The following DYNLL2 variants were observed in gnomAD, a reference collection of about 807,000 sequenced individuals.
DYNLL2 encodes dynein light chain LC8-type 2, also known as dynein light chain 2, cytoplasmic.
Under a neutral mutation model 9.7 loss-of-function variants are expected in DYNLL2, and 1 was observed. The observed-to-expected ratio is 0.10, with a 90% CI of 0.04 to 0.49. The LOEUF is 0.49. Among genes scored for constraint, DYNLL2 ranks in the 20% least tolerant of loss-of-function variants. The pLI, the probability that DYNLL2 is intolerant of heterozygous loss-of-function variation, is 0.95. For synonymous variants in DYNLL2, 35 were observed against 40.5 expected, an observed-to-expected ratio of 0.86 and a Z score of 0.52; for missense variants, 37 against 115.2, an observed-to-expected ratio of 0.32 and a Z score of 3.11.
rs373269015 is a variant in DYNLL2 at position 58,087,067 on chromosome 17, C to T, written c.-9-15C>T. On this transcript the variant is annotated splice_polypyrimidine_tract_variant and intron_variant, in intron 1 of 2. Coordinates refer to ENST00000579991, the MANE Select transcript of DYNLL2 (RefSeq NM_080677.3). ...GCAAGGAGTTGTCAGCCTTACCTCTCTGCTCCTTCTGTAGTGTCACACCAT... is the reference window on the plus strand; with the variant it reads ...GCAAGGAGTTGTCAGCCTTACCTCTTTGCTCCTTCTGTAGTGTCACACCAT... 3.1e-6 allele frequency: 5 copies of T among 1,613,346 alleles called. No individual in the cohort carries two copies. The African/African-American group carries it at 5.3e-5, about 17-fold the overall frequency.
At chr17:58,087,249 G>A in intron 2 of DYNLL2, 27 bp downstream of exon 2, 1 of 1,611,456 alleles carries the variant, frequency 6.2e-7, no homozygotes, top group Non-Finnish European at 8.5e-7. Context: ...GGGACTGATG[G>A]CCAGGGGTGG....
At chr17:58,085,178 T>C (rs958958829) in intron 1 of DYNLL2, among the ~76,000 whole-genome samples, 2 of 152,290 alleles carry the variant, frequency 1.3e-5, no homozygotes, top group South Asian at 2.1e-4. Flanking sequence ...ACCTCTTTGC[T>C]CTGCCAGTTT....
At position 58,091,583 on chromosome 17, in the gene DYNLL2, T is replaced by C. The variant is rs1341536068; in HGVS notation, c.*2304T>C. The C allele has an allele frequency of 6.6e-6, 1 of 152,230 alleles. No homozygotes were observed. The highest frequency in any genetic ancestry group is 1.9e-4 in the East Asian group (1 of 5,202). The allele number at this position is 152,230 out of a possible 1,614,324, so 9.4% of individuals were successfully genotyped here. On this transcript the variant is annotated 3_prime_UTR_variant, in exon 3 of 3. Transcript: ENST00000579991. The stretch of plus-strand genomic sequence containing the variant: ...CTTCAACTTTTGCCCAAAGCTCTTA[T>C]CTTTCATACTCCTCCCTTCTCGGCT...
At chr17:58,089,093 TC>T in intron 2 of DYNLL2, 48 bp from the exon 3 acceptor site, 1 of 1,609,546 alleles carries the variant, frequency 6.2e-7, no homozygotes. Flanking sequence ...GATTTCTCCT[TC>T]TCCAGCTACC....
intron 1 of DYNLL2, among the ~76,000 whole-genome samples, chr17:58,085,355 A>G (rs987716150): frequency 1.3e-5 from 2 of 152,284 alleles, no homozygotes; most frequent in Non-Finnish European, 2.9e-5. Context: ...TCAGCCATCT[A>G]GCCCACAGGC....
chr17:58,089,411 C>A lies in DYNLL2; in HGVS notation c.*132C>A. 8.4e-7 allele frequency: 1 copy of A among 1,195,816 alleles called. No homozygotes were observed. Among genetic ancestry groups the A allele is most frequent in the Non-Finnish European group, 1.2e-6 (1 of 867,068 alleles). 74.1% of individuals were successfully genotyped at this position (1,195,816 alleles called of 1,614,324 possible). ...TGTGCTACTGCATGGACTGTATACT[C>A]GATTTCATGTGTATGTCGCAGTAAA... On this transcript the variant is annotated 3_prime_UTR_variant, in exon 3 of 3. Transcript: ENST00000579991.
chr17:58,083,798 G>A (rs2075745928), intron 1 of DYNLL2, 115 bp downstream of exon 1: 1 of 151,908 alleles, frequency 6.6e-6, no homozygotes, highest in Non-Finnish European at 1.5e-5. Context: ...CGGCCCCAAG[G>A]CCTGGAACAG....
chr17:58,091,227 C>T lies in DYNLL2; in HGVS notation c.*1948C>T, dbSNP rs749368438. ...ACATTAAAGGTTGATTGATGCACCT[C>T]TGCACTGTTTGGGTCTCTTTGGGGA... On this transcript the variant is annotated 3_prime_UTR_variant, in exon 3 of 3. Transcript: ENST00000579991. The T allele has an allele frequency of 2.6e-5, 4 of 152,330 alleles. No individual in the cohort carries two copies. The highest frequency in any genetic ancestry group is 4.4e-5 in the Non-Finnish European group (3 of 68,192). The allele number at this position is 152,330 out of a possible 1,614,324, so 9.4% of individuals were successfully genotyped here.
rs1273198413 is a variant in DYNLL2 at position 58,090,577 on chromosome 17, G to A, written c.*1298G>A. The A allele has an allele frequency of 6.6e-6, 1 of 152,498 alleles. No homozygotes were observed. Among genetic ancestry groups the A allele is most frequent in the Non-Finnish European group, 1.5e-5 (1 of 68,326 alleles). The allele number at this position is 152,498 out of a possible 1,614,324, so 9.4% of individuals were successfully genotyped here. On this transcript the variant is annotated 3_prime_UTR_variant, in exon 3 of 3. Coordinates refer to ENST00000579991, the MANE Select transcript of DYNLL2 (RefSeq NM_080677.3). ...CTGTGGATGGTTGCAGTCTCTGGTG[G>A]GAGGTGAGGATAGAAGTGATAAAGA...
intron 1 of DYNLL2, among the ~76,000 whole-genome samples, chr17:58,084,940 T>C (rs1261639118): frequency 2.6e-5 from 4 of 152,146 alleles, no homozygotes; most frequent in Non-Finnish European, 1.5e-5. Context: ...TTTCTCCCTG[T>C]GCTGCTGTTG....
rs1392250223 is a variant in DYNLL2, at chr17:58,095,471, T to C, written c.*6192T>C. ...GGGTTACCTTCCTTGAAGCAGTTAA[T>C]GTTATGAGATTTTGTGTCTCCTTTT... is the stretch of plus-strand genomic sequence containing the variant. On this transcript the variant is annotated 3_prime_UTR_variant, in exon 3 of 3. Coordinates refer to ENST00000579991, the MANE Select transcript of DYNLL2 (RefSeq NM_080677.3). 1 of 152,242 alleles carries C rather than the reference T, an allele frequency of 6.6e-6. No homozygotes were observed. Among genetic ancestry groups the C allele is most frequent in the African/African-American group, 2.4e-5 (1 of 41,466 alleles). 9.4% of individuals were successfully genotyped at this position (152,242 alleles called of 1,614,324 possible).
In DYNLL2 at chr17:58,087,159, C is replaced by T; in HGVS notation, c.69C>T (p.Asp23=). 2.5e-6 allele frequency: 4 copies of T among 1,614,258 alleles called. No individual in the cohort carries two copies. Among genetic ancestry groups the T allele is most frequent in the Non-Finnish European group, 3.4e-6 (4 of 1,180,048 alleles). ...AGGACATGCAACAGGATGCCGTTGA[C>T]TGCGCCACGCAGGCCATGGAGAAGT... The part of the protein sequence containing the change: ...MSEDMQQDAV[D]CATQAMEKYN... Residue 23 remains aspartate (D), a synonymous_variant, in exon 2 of 3, where the codon GAC becomes GAT. Transcript: ENST00000579991.
chr17:58,094,803 C>T lies in DYNLL2; in HGVS notation c.*5524C>T, dbSNP rs1248299754. 2 of 152,240 alleles carry T rather than the reference C, an allele frequency of 1.3e-5. No homozygotes were observed. The highest frequency in any genetic ancestry group is 4.8e-5 in the African/African-American group (2 of 41,442). 9.4% of individuals were successfully genotyped at this position (152,240 alleles called of 1,614,324 possible). On this transcript the variant is annotated 3_prime_UTR_variant, in exon 3 of 3. Coordinates refer to ENST00000579991, the MANE Select transcript of DYNLL2 (RefSeq NM_080677.3). ...CAGCCCTGGGAAACCACTGACCTAC[C>T]TTATATCTCTATGAATTTGCCTAAT...
chr17:58,085,968 G>A (rs950093071), intron 1 of DYNLL2, among the ~76,000 whole-genome samples: 2 of 152,230 alleles, frequency 1.3e-5, no homozygotes, highest in African/African-American at 4.8e-5. Flanking sequence ...TGAGAAATCA[G>A]TGTTGAAGCT....
intron 2 of DYNLL2, 91 bp from the exon 3 acceptor site, chr17:58,089,049 CGG>C (rs1567766713): frequency 2.0e-5 from 30 of 1,496,568 alleles, no homozygotes; most frequent in Non-Finnish European, 2.7e-5. Flanking sequence ...CCAAACGTGT[CGG>C]TGCTGGAGTT....
intron 1 of DYNLL2, among the ~76,000 whole-genome samples, chr17:58,085,965 T>A (rs1407923534): frequency 1.3e-5 from 2 of 152,174 alleles, no homozygotes; most frequent in African/African-American, 2.4e-5. Flanking sequence ...AGATGAGAAA[T>A]CAGTGTTGAA....
intron 1 of DYNLL2, among the ~76,000 whole-genome samples, chr17:58,086,637 A>T (rs1433823549): frequency 6.6e-6 from 1 of 152,218 alleles, no homozygotes; most frequent in Non-Finnish European, 1.5e-5. Context: ...TGGTCATTAA[A>T]TCAGGGACTT....
At position 58,091,114 on chromosome 17, in the gene DYNLL2, C is replaced by CT. The variant is rs2075778572; in HGVS notation, c.*1836dup. 1.3e-5 allele frequency: 2 copies of CT among 152,184 alleles called. No homozygotes were observed. The highest frequency in any genetic ancestry group is 1.3e-4 in the Admixed American group (2 of 15,276). 9.4% of individuals were successfully genotyped at this position (152,184 alleles called of 1,614,324 possible). ...AGACTGTGTGGCCAGTTGAAAGTGT[C>CT]TGGTTTGTGTTCATCTCTCCCTCAT... On this transcript the variant is annotated 3_prime_UTR_variant, in exon 3 of 3. Coordinates refer to ENST00000579991, the MANE Select transcript of DYNLL2 (RefSeq NM_080677.3).
intron 1 of DYNLL2, 47 bp from the exon 2 acceptor site, chr17:58,087,035 G>T: frequency 6.2e-7 from 1 of 1,604,084 alleles, no homozygotes; most frequent in Non-Finnish European, 8.5e-7. Flanking sequence ...AATGTTCACT[G>T]CCCAGAGCAA....
Sources: allele counts gnomAD v4.1 joint callset (sites outside exome capture counted in the v4.1 genomes callset), GRCh38; gene constraint gnomAD v4.1.1; transcripts MANE v1.5; gene names NCBI Gene and HGNC (gene_info 2026-07-23, HGNC 2026-07-21).